The following CFAP20DC variants were observed in gnomAD, a reference collection of about 807,000 sequenced individuals.
CFAP20DC encodes CFAP20 domain containing, also known as protein CFAP20DC.
In CFAP20DC, 84 loss-of-function variants were observed where a neutral mutation model predicts 101.7. The observed-to-expected ratio is 0.83, with a 90% CI of 0.69 to 0.99. The LOEUF (loss-of-function observed/expected upper bound fraction) is 0.99. CFAP20DC is among the 50% of genes least tolerant of loss of function. The probability of loss-of-function intolerance (pLI) is 0.00; values close to 1 mark genes in which losing one functional copy is unlikely to be tolerated. For synonymous variants in CFAP20DC, 359 were observed against 351.2 expected (o/e 1.02, Z -0.25); for missense variants, 1,007 against 970.3 (o/e 1.04, Z -0.50).
At position 58,911,881 on chromosome 3, in the gene CFAP20DC, G is replaced by A. The variant is rs575770454; in HGVS notation, c.550+1827C>T. ...ACCTGGGGTCCTCCTATAGCAACCC[G>A]TACAGAATTTTGGCCAATCTCCCTG... On this transcript the variant is annotated intron_variant, in intron 6 of 16. Coordinates refer to ENST00000482387, the MANE Select transcript of CFAP20DC (RefSeq NM_001394063.1). Among the ~76,000 whole-genome samples the A allele has an allele frequency of 3.9e-5, 6 of 152,054 alleles. No homozygotes were observed. In the East Asian group the frequency reaches 5.8e-4, roughly 15 times the overall value.
chr3:58,736,296 T>G (rs781205908), intron 3 of CFAP20DC, among the ~76,000 whole-genome samples: 1 of 152,212 alleles, frequency 6.6e-6, no homozygotes, highest in Non-Finnish European at 1.5e-5. Flanking sequence ...TTGTAAGTTT[T>G]CAGGGTCTGA....
At position 58,861,715 on chromosome 3, in the gene CFAP20DC, G is replaced by A. The variant is rs1308703509; in HGVS notation, c.1593+1843C>T. ...GCAGGTGTTTCCCCTCTCTCTGGCTGCCACTCTTAGTAGGCTCTGATTAAA... is the reference window on the plus strand; with the variant it reads ...GCAGGTGTTTCCCCTCTCTCTGGCTACCACTCTTAGTAGGCTCTGATTAAA... On this transcript the variant is annotated intron_variant, in intron 12 of 16. Transcript: ENST00000482387. This position sits in a 1 kb window ranked among gnomAD's most constrained non-coding sequence, Gnocchi z 4.0. The A allele has an allele frequency of 4.1e-6, 4 of 985,240 alleles. No homozygotes were observed. The highest frequency in any genetic ancestry group is 4.8e-6 in the Non-Finnish European group (4 of 829,944). The allele number at this position is 985,240 out of a possible 1,614,324, so 61.0% of individuals were successfully genotyped here.
chr3:58,746,205 T>C (rs1193547318), intron 16 of CFAP20DC, among the ~76,000 whole-genome samples: 9 of 152,070 alleles, frequency 5.9e-5, no homozygotes, highest in Non-Finnish European at 1.0e-4. Context: ...TACCAAAAAT[T>C]GTGTATGTTT....
At chr3:58,822,587 T>TA (rs879475100) in intron 14 of CFAP20DC, among the ~76,000 whole-genome samples, 94 of 138,854 alleles carry the variant, frequency 6.8e-4, no homozygotes, top group Admixed American at 9.3e-4. Context: ...TAAAGTATAA[T>TA]AAAAAAAAAA....
chr3:58,821,879 A>G (rs1385549771), intron 14 of CFAP20DC, among the ~76,000 whole-genome samples: 3 of 133,300 alleles, frequency 2.3e-5, no homozygotes, highest in Non-Finnish European at 4.7e-5. Context: ...ACAATAGCAA[A>G]GACTTGGAAC....
At chr3:58,891,126 C>T (rs2082203732) in intron 6 of CFAP20DC, among the ~76,000 whole-genome samples, 1 of 151,402 alleles carries the variant, frequency 6.6e-6, no homozygotes, top group Non-Finnish European at 1.5e-5. Flanking sequence ...GCACTCCAGC[C>T]TGGGCACCAT....
intron 7 of CFAP20DC, among the ~76,000 whole-genome samples, chr3:58,871,738 G>A (rs2108538339): frequency 6.6e-6 from 1 of 152,148 alleles, no homozygotes; most frequent in Non-Finnish European, 1.5e-5. Flanking sequence ...CTGTCGGCCA[G>A]GCTGGTCTCG....
At chr3:59,041,566 C>T (rs779694962) in intron 3 of CFAP20DC, among the ~76,000 whole-genome samples, 35 of 152,130 alleles carry the variant, frequency 2.3e-4, no homozygotes, top group African/African-American at 8.4e-4. Flanking sequence ...TTTAAAATCA[C>T]TCTCTCTAAG....
intron 7 of CFAP20DC, among the ~76,000 whole-genome samples, chr3:58,871,319 G>C (rs568436236): frequency 4.9e-4 from 74 of 152,222 alleles, no homozygotes; most frequent in Non-Finnish European, 2.8e-4. Flanking sequence ...ACTGAAAAGA[G>C]CCTTAAAATG....
chr3:58,765,758 T>C (rs56263567), intron 15 of CFAP20DC, among the ~76,000 whole-genome samples: 8,593 of 152,230 alleles, frequency 0.056, 301 homozygotes, highest in Middle Eastern at 0.085. Context: ...TTTGCAGCAA[T>C]GTCTATCCAT....
intron 6 of CFAP20DC, among the ~76,000 whole-genome samples, chr3:58,891,835 C>T (rs373694386): frequency 8.0e-4 from 122 of 152,166 alleles, no homozygotes; most frequent in Middle Eastern, 3.4e-3. Flanking sequence ...TATTTTGAAA[C>T]GCTTTTGTTG....
intron 14 of CFAP20DC, among the ~76,000 whole-genome samples, chr3:58,810,265 G>A (rs1413322247): frequency 1.3e-5 from 2 of 151,970 alleles, no homozygotes; most frequent in Non-Finnish European, 2.9e-5. Context: ...GAGAATTTTA[G>A]ACCAATATCC....
intron 4 of CFAP20DC, among the ~76,000 whole-genome samples, chr3:59,011,785 A>T (rs1305643917): frequency 6.6e-6 from 1 of 152,186 alleles, no homozygotes; most frequent in Non-Finnish European, 1.5e-5. Flanking sequence ...GGGTTACAGT[A>T]AAAGCAGATG....
chr3:58,877,458 C>CT (rs1158747363), intron 7 of CFAP20DC, among the ~76,000 whole-genome samples: 2 of 152,186 alleles, frequency 1.3e-5, no homozygotes, highest in Admixed American at 1.3e-4. Context: ...CAACTTGAGA[C>CT]TTAAAGGATG....
At chr3:58,867,691 G>A (rs1459539305) in intron 10 of CFAP20DC, 126 bp downstream of exon 10, 4 of 1,171,276 alleles carry the variant, frequency 3.4e-6, no homozygotes, top group African/African-American at 3.1e-5. Flanking sequence ...CATAATCCTT[G>A]TAGAACAGAC....
chr3:58,857,267 AC>A (rs1269502185), intron 12 of CFAP20DC, among the ~76,000 whole-genome samples: 1 of 152,234 alleles, frequency 6.6e-6, no homozygotes, highest in Non-Finnish European at 1.5e-5. Flanking sequence ...TTCAGAAAAC[AC>A]CTTAAAATCA....
chr3:58,814,773 G>T (rs1395570939), intron 14 of CFAP20DC, among the ~76,000 whole-genome samples: 2,849 of 147,824 alleles, frequency 0.019, 115 homozygotes, highest in African/African-American at 0.07. Context: ...TCAAAGAGAA[G>T]AAAATACCTA....
In CFAP20DC at chr3:58,756,772, G is replaced by A. The variant is rs1007011666; in HGVS notation, c.2238-2909C>T. 2.0e-5 allele frequency among the ~76,000 whole-genome samples: 3 copies of A among 152,038 alleles called. No individual in the cohort carries two copies. In the South Asian group the frequency reaches 6.2e-4, roughly 31 times the overall value. On this transcript the variant is annotated intron_variant, in intron 15 of 16. Transcript: ENST00000482387. ...TTTTGCAAAAACTGAACAGATACATGTCTGTTTTTTATTCCCTTTCTTAAG... is the reference window on the plus strand; with the variant it reads ...TTTTGCAAAAACTGAACAGATACATATCTGTTTTTTATTCCCTTTCTTAAG...
chr3:58,842,923 C>T (rs373305287), intron 13 of CFAP20DC, among the ~76,000 whole-genome samples: 2 of 152,248 alleles, frequency 1.3e-5, no homozygotes, highest in East Asian at 1.9e-4. Flanking sequence ...CACACGGCAG[C>T]GTATTCCAAC....
Sources: allele counts gnomAD v4.1 joint callset (sites outside exome capture counted in the v4.1 genomes callset), GRCh38; gene constraint gnomAD v4.1.1; non-coding constraint Gnocchi (gnomAD v3.1); transcripts MANE v1.5; gene names NCBI Gene and HGNC (gene_info 2026-07-23, HGNC 2026-07-21).